EYS: variants seen among roughly 807,000 people sequenced by gnomAD.
EYS encodes EGF-like photoreceptor maintenance factor.
EYS carries 250 observed loss-of-function variants against 282.1 expected under a neutral mutation model. The ratio of observed to expected loss-of-function variants is 0.89; its 90% CI spans 0.80 to 0.98. The LOEUF is 0.98. Among genes scored for constraint, EYS ranks in the 50% least tolerant of loss-of-function variants. The probability of loss-of-function intolerance (pLI) is 0.00; values close to 1 mark genes in which losing one functional copy is unlikely to be tolerated. For missense variants in EYS, 4,016 were observed against 3,709.0 expected, an observed-to-expected ratio of 1.08 and a Z score of -2.15; for synonymous variants, 1,355 against 1,282.9, an observed-to-expected ratio of 1.06 and a Z score of -1.20.
At chr6:64,795,925 G>T (rs1196990470) in intron 22 of EYS, among the ~76,000 whole-genome samples, 1 of 152,190 alleles carries the variant, frequency 6.6e-6, no homozygotes, top group Admixed American at 6.5e-5. Flanking sequence ...GCAATCTACA[G>T]AAATGGAGAG....
At chr6:64,557,048 A>G (rs1050901560) in intron 26 of EYS, among the ~76,000 whole-genome samples, 2 of 152,016 alleles carry the variant, frequency 1.3e-5, no homozygotes, top group Admixed American at 6.6e-5. Context: ...AATAAGTAGA[A>G]AAATAACAAT....
intron 19 of EYS, among the ~76,000 whole-genome samples, chr6:64,854,446 C>T (rs4565288): frequency 0.55 from 84,034 of 151,650 alleles, 24,012 homozygotes; most frequent in Non-Finnish European, 0.61. Context: ...TTTGTAGGGA[C>T]ATGGATGAAG....
At chr6:64,698,537 G>A (rs1199630466) in intron 22 of EYS, among the ~76,000 whole-genome samples, 1 of 152,054 alleles carries the variant, frequency 6.6e-6, no homozygotes, top group Non-Finnish European at 1.5e-5. Flanking sequence ...TATAAATGGA[G>A]TAAATAGACA....
chr6:64,237,634 T>C (rs1766657040), intron 30 of EYS, among the ~76,000 whole-genome samples: 1 of 152,134 alleles, frequency 6.6e-6, no homozygotes, highest in African/African-American at 2.4e-5. Context: ...TTCAAAATCA[T>C]AAGAACATCA....
rs181798394 is a variant in EYS at position 64,330,559 on chromosome 6, G to A, written c.6079-23477C>T. Among the ~76,000 whole-genome samples, 535 of 152,280 alleles carry A rather than the reference G, an allele frequency of 3.5e-3. 5 individuals are homozygous for A. Among genetic ancestry groups the A allele is most frequent in the Middle Eastern group, 3.4e-3 (1 of 294 alleles). ...GTATGTCCATGAAAGAAAAGGAATA[G>A]CTACAGGAGTCTTGGTACAAAAACT... On this transcript the variant is annotated intron_variant, in intron 29 of 42. Coordinates refer to ENST00000503581, the MANE Select transcript of EYS (RefSeq NM_001142800.2).
At chr6:64,206,352 T>G in intron 31 of EYS, among the ~76,000 whole-genome samples, 1 of 152,296 alleles carries the variant, frequency 6.6e-6, no homozygotes, top group East Asian at 1.9e-4. Context: ...CTTCACTGGT[T>G]TTCCCAAGGG....
At chr6:65,628,644 C>T (rs1009298409) in intron 2 of EYS, among the ~76,000 whole-genome samples, 3 of 151,964 alleles carry the variant, frequency 2.0e-5, no homozygotes, top group Non-Finnish European at 1.5e-5. Flanking sequence ...CAACTCCAGA[C>T]GCGCTACCTT....
chr6:64,780,166 T>A (rs574581392), intron 22 of EYS, among the ~76,000 whole-genome samples: 1 of 152,248 alleles, frequency 6.6e-6, no homozygotes, highest in South Asian at 2.1e-4. Flanking sequence ...AAATGACATA[T>A]GTAAATGAAG....
At chr6:64,834,284 A>G (rs1765315120) in intron 19 of EYS, among the ~76,000 whole-genome samples, 1 of 151,914 alleles carries the variant, frequency 6.6e-6, no homozygotes, top group African/African-American at 2.4e-5. Flanking sequence ...ATAAGGCACA[A>G]TATGTTAGCA....
intron 13 of EYS, among the ~76,000 whole-genome samples, chr6:65,043,531 A>G (rs974723280): frequency 4.6e-5 from 7 of 151,354 alleles, no homozygotes; most frequent in Admixed American, 1.3e-4. Flanking sequence ...TTTATCAACA[A>G]TTCCTAATTC....
chr6:65,557,493 G>A (rs530909492), intron 2 of EYS, among the ~76,000 whole-genome samples: 2 of 152,332 alleles, frequency 1.3e-5, no homozygotes, highest in African/African-American at 4.8e-5. Context: ...CAGAGGAGGA[G>A]AACGCAGTGG....
At chr6:63,911,848 T>C (rs1305977668) in intron 35 of EYS, among the ~76,000 whole-genome samples, 1 of 152,354 alleles carries the variant, frequency 6.6e-6, no homozygotes, top group East Asian at 1.9e-4. Context: ...GTCCTTCTTA[T>C]GTATCTCAAA....
chr6:64,174,472 A>G (rs1243344311), intron 31 of EYS, among the ~76,000 whole-genome samples: 1 of 151,800 alleles, frequency 6.6e-6, no homozygotes, highest in African/African-American at 2.4e-5. Flanking sequence ...ATCATCACCA[A>G]AGATCTTTAT....
intron 31 of EYS, among the ~76,000 whole-genome samples, chr6:64,155,051 G>C (rs1774871162): frequency 6.6e-6 from 1 of 152,126 alleles, no homozygotes; most frequent in Non-Finnish European, 1.5e-5. Flanking sequence ...AGAGTCCAAG[G>C]GGCAGGTCAG....
At chr6:64,800,225 C>A (rs1265014632) in intron 22 of EYS, among the ~76,000 whole-genome samples, 1 of 152,010 alleles carries the variant, frequency 6.6e-6, no homozygotes, top group Admixed American at 6.5e-5. Flanking sequence ...TGTGGAGATA[C>A]AGTAATTCCA....
intron 2 of EYS, among the ~76,000 whole-genome samples, chr6:65,591,339 A>C (rs1765226706): frequency 6.6e-6 from 1 of 150,900 alleles, no homozygotes; most frequent in African/African-American, 2.5e-5. Context: ...GCTACTTACT[A>C]TATACTTAAT....
intron 35 of EYS, among the ~76,000 whole-genome samples, chr6:63,894,442 C>A (rs1216898787): frequency 6.6e-6 from 1 of 152,098 alleles, no homozygotes; most frequent in African/African-American, 2.4e-5. Flanking sequence ...ATGCCAGCAG[C>A]CACAAGAAGC....
intron 12 of EYS, among the ~76,000 whole-genome samples, chr6:65,132,839 C>G (rs1167368837): frequency 6.6e-6 from 1 of 151,840 alleles, no homozygotes; most frequent in African/African-American, 2.4e-5. Context: ...AAAGTTCCAT[C>G]AGCTAATAAA....
intron 30 of EYS, among the ~76,000 whole-genome samples, chr6:64,276,819 C>T (rs1402108731): frequency 6.6e-6 from 1 of 152,066 alleles, no homozygotes; most frequent in Non-Finnish European, 1.5e-5. Flanking sequence ...CTAGACATGG[C>T]CTCATTAGTC....
Sources: allele counts gnomAD v4.1 joint callset (sites outside exome capture counted in the v4.1 genomes callset), GRCh38; gene constraint gnomAD v4.1.1; transcripts MANE v1.5; gene names NCBI Gene and HGNC (gene_info 2026-07-23, HGNC 2026-07-21).